RAP1GDS1: variants seen among roughly 807,000 people sequenced by gnomAD.
RAP1GDS1 encodes the protein Rap1 GTPase-GDP dissociation stimulator 1.
A neutral mutation model predicts 71.1 loss-of-function variants in RAP1GDS1; 35 were observed. The ratio of observed to expected loss-of-function variants is 0.49; its 90% CI spans 0.38 to 0.65. The LOEUF (loss-of-function observed/expected upper bound fraction) is 0.65. RAP1GDS1 is among the 30% of genes least tolerant of loss of function. The pLI, the probability that RAP1GDS1 is intolerant of heterozygous loss-of-function variation, is 0.00. For missense variants in RAP1GDS1, 663 were observed against 706.1 expected (o/e 0.94, Z 0.69); for synonymous variants, 229 against 243.1 (o/e 0.94, Z 0.54).
chr4:98,265,182 C>G (rs1722553092), intron 1 of RAP1GDS1, among the ~76,000 whole-genome samples: 1 of 152,056 alleles, frequency 6.6e-6, no homozygotes. Context: ...TGGCTTGAAC[C>G]AGGTTATGGC....
intron 2 of RAP1GDS1, among the ~76,000 whole-genome samples, chr4:98,331,968 C>T (rs1257272743): frequency 1.3e-5 from 2 of 152,108 alleles, no homozygotes; most frequent in African/African-American, 4.8e-5. Context: ...TTTTAAAAAT[C>T]TTAACCCTTA....
Position 98,362,844 on chromosome 4 carries a change from CT to C in RAP1GDS1, c.361+10246del, listed in dbSNP as rs564998359. 1.4e-4 allele frequency among the ~76,000 whole-genome samples: 21 copies of C among 152,250 alleles called. No homozygotes were observed. The South Asian group carries it at 4.4e-3, about 32-fold the overall frequency. Reference sequence around the variant, plus strand: ...ATGCCAGGAAATTCTCACTCTATGTCTTTGTATTCTTTGGTGTATACATACT... The same window carrying C: ...ATGCCAGGAAATTCTCACTCTATGTCTTGTATTCTTTGGTGTATACATACT... On this transcript the variant is annotated intron_variant, in intron 4 of 14. Transcript: ENST00000408927.
At chr4:98,437,105 A>T (rs761743738) in intron 14 of RAP1GDS1, 37 bp downstream of exon 14, 2 of 1,524,456 alleles carry the variant, frequency 1.3e-6, no homozygotes, top group South Asian at 2.7e-5. Flanking sequence ...CCATAAACAT[A>T]TGGTTCACAT....
At chr4:98,313,118 T>TG (rs897774668) in intron 2 of RAP1GDS1, among the ~76,000 whole-genome samples, 2 of 140,042 alleles carry the variant, frequency 1.4e-5, no homozygotes, top group Non-Finnish European at 3.1e-5. Flanking sequence ...CATGCAATTA[T>TG]GGGGGTTGCA....
intron 7 of RAP1GDS1, among the ~76,000 whole-genome samples, chr4:98,412,938 A>T (rs1348068667): frequency 6.6e-6 from 1 of 152,126 alleles, no homozygotes; most frequent in Non-Finnish European, 1.5e-5. Flanking sequence ...ATCACAAGGC[A>T]AAGGGCAAAA....
intron 2 of RAP1GDS1, among the ~76,000 whole-genome samples, chr4:98,328,771 G>A (rs72896324): frequency 0.012 from 1,901 of 152,208 alleles, 41 homozygotes; most frequent in African/African-American, 0.044. Flanking sequence ...CAACCTCCAC[G>A]TCCTGGGTTC....
At chr4:98,308,062 G>A (rs1409341492) in intron 2 of RAP1GDS1, among the ~76,000 whole-genome samples, 2 of 151,632 alleles carry the variant, frequency 1.3e-5, no homozygotes, top group Admixed American at 6.6e-5. Context: ...GGAGGCTCAC[G>A]CAGGAGGATT....
intron 12 of RAP1GDS1, among the ~76,000 whole-genome samples, chr4:98,431,356 G>A (rs1008762918): frequency 3.9e-5 from 6 of 152,110 alleles, no homozygotes; most frequent in Non-Finnish European, 5.9e-5. Context: ...AAAATATTCC[G>A]TTGTGATCAA....
At chr4:98,423,772 G>A (rs1225456620) in intron 12 of RAP1GDS1, among the ~76,000 whole-genome samples, 9 of 152,086 alleles carry the variant, frequency 5.9e-5, no homozygotes, top group South Asian at 2.1e-4. Flanking sequence ...TCAAACTGCC[G>A]ACCTCAGGTG....
At chr4:98,438,548 T>G (rs1008777312) in intron 14 of RAP1GDS1, among the ~76,000 whole-genome samples, 1 of 143,772 alleles carries the variant, frequency 7.0e-6, no homozygotes, top group Non-Finnish European at 1.5e-5. Flanking sequence ...CATTTTTTAA[T>G]CATTTACATT....
rs1461017917 is a variant in RAP1GDS1, at chr4:98,325,777, T to G, written c.113-17362T>G. Among the ~76,000 whole-genome samples the G allele has an allele frequency of 1.2e-3, 80 of 66,698 alleles. 1 individual carries two copies. The highest frequency in any genetic ancestry group is 5.8e-4 in the Non-Finnish European group (21 of 36,362). The allele number at this position is 66,698 out of a possible 152,430, so 43.8% of individuals were successfully genotyped here. On this transcript the variant is annotated intron_variant, in intron 2 of 14. Coordinates refer to ENST00000408927, the MANE Select transcript of RAP1GDS1 (RefSeq NM_001100427.2). ...TCACACTCTGGGGACTGTGGTGGGGTGGGGGGAGGGGGGAGGGATAGCATT... is the reference window on the plus strand; with the variant it reads ...TCACACTCTGGGGACTGTGGTGGGGGGGGGGGAGGGGGGAGGGATAGCATT...
intron 2 of RAP1GDS1, among the ~76,000 whole-genome samples, chr4:98,313,088 A>T (rs925229196): frequency 6.9e-6 from 1 of 145,864 alleles, no homozygotes. Flanking sequence ...AAAAAAAAAA[A>T]AAAAAAAAAG....
Position 98,289,572 on chromosome 4 carries a change from A to AG in RAP1GDS1, c.5-3836_5-3835insG, listed in dbSNP as rs1416685437. On this transcript the variant is annotated intron_variant, in intron 1 of 14. Transcript: ENST00000408927. ...TGGTAAACAAAAAAAAAAAAAAAAAAAAAGAAAGAAAAGTAGGAAACTGAA... is the reference window on the plus strand; with the variant it reads ...TGGTAAACAAAAAAAAAAAAAAAAAAGAAAGAAAGAAAAGTAGGAAACTGAA... Among the ~76,000 whole-genome samples, 137 of 148,248 alleles carry AG rather than the reference A, an allele frequency of 9.2e-4. No individual in the cohort carries two copies. In the South Asian group the frequency reaches 0.014, roughly 15 times the overall value.
intron 2 of RAP1GDS1, among the ~76,000 whole-genome samples, chr4:98,310,820 G>T (rs956208531): frequency 6.6e-6 from 1 of 150,766 alleles, no homozygotes; most frequent in Non-Finnish European, 1.5e-5. Context: ...AAAAAAAAAA[G>T]ATTTAATTTT....
intron 5 of RAP1GDS1, among the ~76,000 whole-genome samples, chr4:98,385,668 C>G (rs938352417): frequency 3.3e-5 from 5 of 151,842 alleles, no homozygotes; most frequent in African/African-American, 1.2e-4. Flanking sequence ...TTAAGTCCTA[C>G]TTGAAAAACT....
intron 6 of RAP1GDS1, among the ~76,000 whole-genome samples, chr4:98,401,147 G>T (rs1199808710): frequency 6.6e-6 from 1 of 152,144 alleles, no homozygotes; most frequent in Non-Finnish European, 1.5e-5. Flanking sequence ...GGTTGGGTTA[G>T]GTCAAAAAAC....
At chr4:98,319,630 A>G (rs1003810447) in intron 2 of RAP1GDS1, among the ~76,000 whole-genome samples, 3 of 151,956 alleles carry the variant, frequency 2.0e-5, no homozygotes, top group Non-Finnish European at 4.4e-5. Flanking sequence ...AAAGTACAAA[A>G]ATCAGCCCAA....
chr4:98,327,935 A>G (rs1733384096), intron 2 of RAP1GDS1, among the ~76,000 whole-genome samples: 3 of 152,210 alleles, frequency 2.0e-5, no homozygotes, highest in Non-Finnish European at 2.9e-5. Context: ...CTTCTGCAAA[A>G]ATTTAACAAG....
chr4:98,320,103 A>G (rs1365373817), intron 2 of RAP1GDS1, among the ~76,000 whole-genome samples: 2 of 152,256 alleles, frequency 1.3e-5, no homozygotes, highest in African/African-American at 2.4e-5. Flanking sequence ...CTGCAAGAAT[A>G]TAGTATGTAA....
Sources: gnomAD v4.1 joint callset for allele counts (sites outside exome capture counted in the v4.1 genomes callset) on GRCh38, gnomAD v4.1.1 for gene constraint, MANE v1.5 for transcripts, NCBI Gene and HGNC (gene_info 2026-07-23, HGNC 2026-07-21) for gene names.